TMEM45A: variants seen among roughly 807,000 people sequenced by gnomAD.
The protein encoded by TMEM45A is transmembrane protein 45A.
A neutral mutation model predicts 32.0 loss-of-function variants in TMEM45A; 25 were observed. The observed-to-expected ratio is 0.78, with a 90% CI of 0.57 to 1.09. The LOEUF (loss-of-function observed/expected upper bound fraction) is 1.09. Among genes scored for constraint, TMEM45A ranks in the 50% least tolerant of loss-of-function variants. The pLI, the probability that TMEM45A is intolerant of heterozygous loss-of-function variation, is 0.00. For synonymous variants in TMEM45A, 122 were observed against 114.8 expected (o/e 1.06, Z -0.40); for missense variants, 302 against 325.0 (o/e 0.93, Z 0.54).
chr3:100,532,558 C>T lies in TMEM45A; in HGVS notation c.-3-22651C>T, dbSNP rs1279660500. Among the ~76,000 whole-genome samples the T allele has an allele frequency of 5.9e-5, 9 of 152,140 alleles. No homozygotes were observed. In the East Asian group the frequency reaches 9.6e-4, roughly 16 times the overall value. On this transcript the variant is annotated intron_variant, in intron 1 of 5. Transcript: ENST00000323523. The stretch of plus-strand genomic sequence containing the variant: ...AACTGCTTTGTCTTTATGCCATGAT[C>T]GTTTTATTTTCCTAGGATAATACAT...
At chr3:100,568,640 A>G (rs545305156) in intron 4 of TMEM45A, among the ~76,000 whole-genome samples, 182 bp from the exon 5 acceptor site, 42 of 152,350 alleles carry the variant, frequency 2.8e-4, no homozygotes, top group African/African-American at 1.0e-3. Flanking sequence ...TTATGAAAAT[A>G]TGACATATTA....
At chr3:100,508,296 C>T (rs553244115) in intron 1 of TMEM45A, among the ~76,000 whole-genome samples, 11 of 152,258 alleles carry the variant, frequency 7.2e-5, no homozygotes, top group Non-Finnish European at 1.3e-4. Flanking sequence ...GCAACTGCAG[C>T]GTGGTGCCCT....
chr3:100,516,320 C>T (rs1353643684), intron 1 of TMEM45A, among the ~76,000 whole-genome samples: 1 of 151,546 alleles, frequency 6.6e-6, no homozygotes, highest in Non-Finnish European at 1.5e-5. Context: ...ATAAGTGTTG[C>T]TGGTTTTACT....
At chr3:100,561,615 A>C (rs1453412533) in intron 4 of TMEM45A, among the ~76,000 whole-genome samples, 1 of 152,142 alleles carries the variant, frequency 6.6e-6, no homozygotes, top group Admixed American at 6.5e-5. Flanking sequence ...AAGAAAAAAA[A>C]ATCCTGCAAG....
intron 1 of TMEM45A, among the ~76,000 whole-genome samples, chr3:100,524,213 A>G (rs957567245): frequency 9.2e-5 from 14 of 152,270 alleles, no homozygotes; most frequent in South Asian, 2.1e-4. Flanking sequence ...TGCCTTCTCT[A>G]TCCTGCTTCT....
intron 5 of TMEM45A, chr3:100,571,308 C>G (rs1706553291): frequency 6.6e-6 from 1 of 152,096 alleles, no homozygotes; most frequent in Admixed American, 6.6e-5. Context: ...GTAGATATGC[C>G]TAAATGTCCA....
chr3:100,517,638 T>A (rs563072455), intron 1 of TMEM45A, among the ~76,000 whole-genome samples: 1 of 152,346 alleles, frequency 6.6e-6, no homozygotes, highest in African/African-American at 2.4e-5. Context: ...TATTTGAGCA[T>A]CTAAGGTGAT....
At chr3:100,563,695 T>C (rs906204959) in intron 4 of TMEM45A, among the ~76,000 whole-genome samples, 1 of 152,212 alleles carries the variant, frequency 6.6e-6, no homozygotes, top group Admixed American at 6.5e-5. Context: ...ATTTTCTCTC[T>C]TGTTATTCCA....
chr3:100,502,377 G>T (rs561174850), intron 1 of TMEM45A, among the ~76,000 whole-genome samples: 52 of 152,056 alleles, frequency 3.4e-4, no homozygotes, highest in Non-Finnish European at 6.8e-4. Context: ...AATGTTAAAG[G>T]CAGATTAAAA....
intron 1 of TMEM45A, among the ~76,000 whole-genome samples, chr3:100,549,186 G>A (rs761711818): frequency 4.6e-5 from 7 of 151,854 alleles, no homozygotes; most frequent in Non-Finnish European, 8.8e-5. Flanking sequence ...GGTGGAGGTT[G>A]CAGTGAGCTG....
chr3:100,525,814 C>T (rs977486612), intron 1 of TMEM45A, among the ~76,000 whole-genome samples: 2 of 152,180 alleles, frequency 1.3e-5, no homozygotes, highest in Admixed American at 1.3e-4. Context: ...ACAGGCAGGA[C>T]AGGCATGTGC....
At chr3:100,572,382 G>A (rs1706583022) in intron 5 of TMEM45A, 1 of 152,044 alleles carries the variant, frequency 6.6e-6, no homozygotes, top group Admixed American at 6.5e-5. Context: ...GTGTTTTTTG[G>A]CTACATAAAT....
chr3:100,523,696 C>CTCCTCCTCCT (rs1705482484), intron 1 of TMEM45A, among the ~76,000 whole-genome samples: 1 of 150,716 alleles, frequency 6.6e-6, no homozygotes, highest in African/African-American at 2.4e-5. Context: ...CCTCCTTCTC[C>CTCCTCCTCCT]TTCTCCTCCT....
chr3:100,510,848 C>T (rs1161615322), intron 1 of TMEM45A, among the ~76,000 whole-genome samples: 18 of 151,968 alleles, frequency 1.2e-4, no homozygotes, highest in African/African-American at 1.9e-4. Flanking sequence ...GGAGCTGATG[C>T]GATCAACTGG....
intron 1 of TMEM45A, among the ~76,000 whole-genome samples, chr3:100,531,045 T>C (rs943793696): frequency 6.6e-6 from 1 of 152,194 alleles, no homozygotes; most frequent in Non-Finnish European, 1.5e-5. Flanking sequence ...TGTTGAGTTG[T>C]CTCTCTTTCA....
rs757695193 is a variant in TMEM45A, at chr3:100,556,893, A to G, written c.324A>G (p.Ala108=). Residue 108 remains alanine, a synonymous_variant, in exon 3 of 6, where the codon GCA becomes GCG. Coordinates refer to ENST00000323523, the MANE Select transcript of TMEM45A (RefSeq NM_018004.3). The stretch of plus-strand genomic sequence containing the variant: ...TCTTCTTTGGGCTGTTGGGTGTGGC[A>G]GATATCTTATGTTTCACCATCAGTT... ...MYFFFGLLGV[A]DILCFTISSL... 3 of 1,614,072 alleles carry G rather than the reference A, an allele frequency of 1.9e-6. No homozygotes were observed. The African/African-American group carries it at 4.0e-5, about 22-fold the overall frequency.
At chr3:100,505,719 G>T (rs578163759) in intron 1 of TMEM45A, among the ~76,000 whole-genome samples, 2 of 152,156 alleles carry the variant, frequency 1.3e-5, no homozygotes, top group African/African-American at 4.8e-5. Flanking sequence ...AACCAAAAAT[G>T]TCAGATAAAA....
intron 1 of TMEM45A, among the ~76,000 whole-genome samples, chr3:100,531,272 G>A (rs1410078719): frequency 6.6e-6 from 1 of 152,074 alleles, no homozygotes; most frequent in Non-Finnish European, 1.5e-5. Context: ...GTGCTGACAT[G>A]TTCTTTTGTG....
chr3:100,535,641 G>A lies in TMEM45A; in HGVS notation c.-3-19568G>A, dbSNP rs1172195233. On this transcript the variant is annotated intron_variant, in intron 1 of 5. Coordinates refer to ENST00000323523, the MANE Select transcript of TMEM45A (RefSeq NM_018004.3). ...CTAGACCTTTGTATGACTGTACCTA[G>A]TGCAAATATAATTGGTAGTGATGAC... Among the ~76,000 whole-genome samples the A allele has an allele frequency of 5.3e-5, 8 of 152,288 alleles. No homozygotes were observed. The South Asian group carries it at 6.2e-4, about 12-fold the overall frequency.
Sources: gnomAD v4.1 joint callset for allele counts (sites outside exome capture counted in the v4.1 genomes callset) on GRCh38, gnomAD v4.1.1 for gene constraint, MANE v1.5 for transcripts, NCBI Gene and HGNC (gene_info 2026-07-23, HGNC 2026-07-21) for gene names.